The following DBF4B variants were observed in gnomAD, a reference collection of about 807,000 sequenced individuals.
The protein encoded by DBF4B is DBF4B-CDC7 kinase regulatory subunit.
A neutral mutation model predicts 53.4 loss-of-function variants in DBF4B; 49 were observed. The ratio of observed to expected loss-of-function variants is 0.92; its 90% confidence interval spans 0.73 to 1.16. The LOEUF is 1.16. Ranked by LOEUF, DBF4B falls within the 50% of genes most tolerant of loss-of-function variation. The pLI is 0.00. For missense variants in DBF4B, 692 were observed against 775.0 expected (o/e 0.89, Z 1.27); for synonymous variants, 257 against 288.7 (o/e 0.89, Z 1.11).
chr17:44,710,022 A>G (rs541800807), intron 2 of DBF4B, among the ~76,000 whole-genome samples: 1 of 151,906 alleles, frequency 6.6e-6, no homozygotes, highest in East Asian at 1.9e-4. Flanking sequence ...AAATACAAAA[A>G]ATTAGGCGGG....
intron 1 of DBF4B, 186 bp downstream of exon 1, chr17:44,709,025 G>A (rs567843632): frequency 2.9e-5 from 24 of 837,018 alleles, no homozygotes; most frequent in Non-Finnish European, 4.1e-5. Flanking sequence ...GCAGAGGAAC[G>A]TAGGGGACAA....
chr17:44,748,589 T>G, intron 13 of DBF4B, 124 bp downstream of exon 13: 1 of 1,540,178 alleles, frequency 6.5e-7, no homozygotes, highest in Non-Finnish European at 8.8e-7. Context: ...GATGTGTTTG[T>G]GGACCCCCCA....
chr17:44,734,836 G>A (rs1237303699), intron 7 of DBF4B, among the ~76,000 whole-genome samples: 1 of 152,236 alleles, frequency 6.6e-6, no homozygotes, highest in Non-Finnish European at 1.5e-5. Context: ...GGGCATGGTG[G>A]CTCACACCTG....
chr17:44,725,139 A>AC (rs1974201156), intron 3 of DBF4B, among the ~76,000 whole-genome samples: 1 of 151,070 alleles, frequency 6.6e-6, no homozygotes, highest in Non-Finnish European at 1.5e-5. Context: ...AAAAAAAAAA[A>AC]CATTAGCTGG....
chr17:44,729,536 C>T (rs1202707123), intron 3 of DBF4B, among the ~76,000 whole-genome samples: 10 of 152,098 alleles, frequency 6.6e-5, no homozygotes, highest in Non-Finnish European at 1.5e-4. Context: ...AAAATCACAG[C>T]TTACACAATC....
At chr17:44,748,154 T>C (rs2049157990) in intron 12 of DBF4B, among the ~76,000 whole-genome samples, 187 bp from the exon 13 acceptor site, 1 of 152,218 alleles carries the variant, frequency 6.6e-6, no homozygotes, top group Non-Finnish European at 1.5e-5. Context: ...CCAAGAGAAG[T>C]GCACACAGTG....
At position 44,749,969 on chromosome 17, in the gene DBF4B, C is replaced by T; in HGVS notation, c.1190-626C>T. 9.9e-7 allele frequency: 1 copy of T among 1,005,840 alleles called. No homozygotes were observed. The highest frequency in any genetic ancestry group is 1.2e-6 in the Non-Finnish European group (1 of 841,598). The allele number at this position is 1,005,840 out of a possible 1,614,324, so 62.3% of individuals were successfully genotyped here. A position where few individuals can be genotyped will look rare whatever the true frequency, so the allele number is the denominator to read the frequency against. ...TTGGGCTGCACCACTCACAGAGCTC[C>T]CTCCCCCAGGCACTTAGTTGGGGCC... On this transcript the variant is annotated intron_variant, in intron 13 of 13. Coordinates refer to ENST00000315005, the MANE Select transcript of DBF4B (RefSeq NM_145663.3). The surrounding 1 kb of genome is among the most constrained non-coding windows in gnomAD (Gnocchi z 4.4).
chr17:44,724,380 C>CTT (rs78452717), intron 3 of DBF4B, among the ~76,000 whole-genome samples: 1 of 147,128 alleles, frequency 6.8e-6, no homozygotes. Context: ...AAAAGAGAAA[C>CTT]TTTTTTTTTT....
intron 5 of DBF4B, chr17:44,731,308 T>C: frequency 2.9e-6 from 1 of 344,308 alleles, no homozygotes; most frequent in Non-Finnish European, 5.6e-6. Context: ...GAAGCCAGAC[T>C]TCTTTTACAA....
At chr17:44,729,773 A>G in intron 3 of DBF4B, 132 bp from the exon 4 acceptor site, 2 of 902,182 alleles carry the variant, frequency 2.2e-6, no homozygotes, top group Non-Finnish European at 3.3e-6. Flanking sequence ...TTGGTATGAA[A>G]CTGCATTTAG....
At position 44,730,086 on chromosome 17, in the gene DBF4B, C is replaced by T; in HGVS notation, c.407C>T (p.Pro136Leu). ...KGSHPRPSRK[P>L]VDSVPLSRGK... is the part of the protein sequence containing the mutation. Reference sequence around the variant, plus strand: ...AGCCACCCCAGGCCTTCACGGAAACCCGTTGACTCGGTAAGAACCTCATGT... The same window carrying T: ...AGCCACCCCAGGCCTTCACGGAAACTCGTTGACTCGGTAAGAACCTCATGT... The change falls in exon 4 of 14, where the codon CCC (proline) becomes CTC (leucine). Residue 136 changes from proline to leucine, a missense_variant. Physicochemically the swap from Pro to Leu is moderately conservative, Grantham distance 98 (BLOSUM62 -3). Transcript: ENST00000315005. 3 of 1,612,364 alleles carry T rather than the reference C, an allele frequency of 1.9e-6. No homozygotes were observed. Among genetic ancestry groups the T allele is most frequent in the Non-Finnish European group, 2.5e-6 (3 of 1,179,990 alleles).
intron 2 of DBF4B, among the ~76,000 whole-genome samples, chr17:44,721,883 C>T (rs1973881261): frequency 6.6e-6 from 1 of 151,690 alleles, no homozygotes; most frequent in South Asian, 2.1e-4. Context: ...GCCTGTAATC[C>T]CAGCACTTTG....
At chr17:44,717,321 C>T (rs1177766521) in intron 2 of DBF4B, among the ~76,000 whole-genome samples, 1 of 152,050 alleles carries the variant, frequency 6.6e-6, no homozygotes, top group Non-Finnish European at 1.5e-5. Context: ...AAAATAATTT[C>T]ACAGTTATAA....
chr17:44,748,892 C>T (rs978009148), intron 13 of DBF4B: 2 of 1,290,302 alleles, frequency 1.6e-6, no homozygotes, highest in Non-Finnish European at 1.0e-6. Flanking sequence ...TTGTGCCACT[C>T]ACAGACCTGC....
At chr17:44,710,191 A>C (rs1027429984) in intron 2 of DBF4B, among the ~76,000 whole-genome samples, 1 of 152,216 alleles carries the variant, frequency 6.6e-6, no homozygotes, top group Admixed American at 6.5e-5. Flanking sequence ...GAAAAAAAAA[A>C]TACCGTCTAC....
intron 3 of DBF4B, among the ~76,000 whole-genome samples, chr17:44,723,537 T>A (rs1974035683): frequency 6.6e-6 from 1 of 152,036 alleles, no homozygotes; most frequent in Non-Finnish European, 1.5e-5. Flanking sequence ...GTGGATTACT[T>A]GACGTCAGGA....
In DBF4B at chr17:44,748,436, T is replaced by A; in HGVS notation, c.1160T>A (p.Ile387Lys). ...PSHPRAASPR[I>K]RKEDSCQASV... is the part of the protein sequence containing the mutation. ...CATCCCAGGGCAGCATCTCCCAGGA[T>A]AAGGAAAGAAGACAGCTGCCAGGCA... Residue 387 changes from isoleucine to lysine, a missense_variant, in exon 13 of 14, where the codon ATA becomes AAA. Transcript: ENST00000315005. The A allele has an allele frequency of 6.2e-7, 1 of 1,613,998 alleles. No homozygotes were observed. Among genetic ancestry groups the A allele is most frequent in the South Asian group, 1.1e-5 (1 of 91,068 alleles).
chr17:44,724,593 A>G (rs1974130337), intron 3 of DBF4B, among the ~76,000 whole-genome samples: 1 of 152,064 alleles, frequency 6.6e-6, no homozygotes, highest in African/African-American at 2.4e-5. Flanking sequence ...GTTAGCCAGG[A>G]TGGTCTTGAT....
At chr17:44,737,186 C>T (rs112054570) in intron 8 of DBF4B, among the ~76,000 whole-genome samples, 3 of 152,302 alleles carry the variant, frequency 2.0e-5, no homozygotes, top group African/African-American at 7.2e-5. Context: ...GATTCAGTAG[C>T]AGTTTGGGGG....
Sources: allele counts gnomAD v4.1 joint callset (sites outside exome capture counted in the v4.1 genomes callset), GRCh38; gene constraint gnomAD v4.1.1; non-coding constraint Gnocchi (gnomAD v3.1); transcripts MANE v1.5; gene names NCBI Gene and HGNC (gene_info 2026-07-23, HGNC 2026-07-21).